PAFAH1B2: variants seen among roughly 807,000 people sequenced by gnomAD.
The protein encoded by PAFAH1B2 is platelet-activating factor acetylhydrolase IB subunit alpha2.
Under a neutral mutation model 28.0 loss-of-function variants are expected in PAFAH1B2, and 8 were observed. The observed-to-expected ratio is 0.29, with a 90% CI of 0.17 to 0.52. The LOEUF (loss-of-function observed/expected upper bound fraction) is 0.52. PAFAH1B2 is among the 20% of genes least tolerant of loss of function. PAFAH1B2 has a pLI of 0.97. For missense variants in PAFAH1B2, 190 were observed against 282.6 expected, an observed-to-expected ratio of 0.67 and a Z score of 2.35; for synonymous variants, 104 against 103.2, an observed-to-expected ratio of 1.01 and a Z score of -0.05.
chr11:117,178,112 A>G (rs1000308337), downstream of PAFAH1B2, among the ~76,000 whole-genome samples: 1 of 152,248 alleles, frequency 6.6e-6, no homozygotes, highest in African/African-American at 2.4e-5. Context: ...TTCTTGAAAC[A>G]GTGCCAAAAT....
chr11:117,157,721 A>G (rs558912086), intron 2 of PAFAH1B2, among the ~76,000 whole-genome samples: 31 of 152,278 alleles, frequency 2.0e-4, no homozygotes, highest in African/African-American at 7.5e-4. Flanking sequence ...GAGCCCAGGA[A>G]TTCAGTCCAG....
At chr11:117,154,005 T>C (rs1301444078) in intron 2 of PAFAH1B2, among the ~76,000 whole-genome samples, 1 of 151,238 alleles carries the variant, frequency 6.6e-6, no homozygotes, top group Non-Finnish European at 1.5e-5. Flanking sequence ...CCAGGGCAGG[T>C]TGGGAAGTCA....
rs183920583 is a variant in PAFAH1B2 at position 117,154,310 on chromosome 11, G to C, written c.81+1782G>C. ...CAAGACGAAGGAAAGGAAAAGAAAA[G>C]AAAAGTAGTAACTAAACTAGATATC... On this transcript the variant is annotated intron_variant, in intron 2 of 5. Coordinates refer to ENST00000527958, the MANE Select transcript of PAFAH1B2 (RefSeq NM_002572.4). Among the ~76,000 whole-genome samples the C allele has an allele frequency of 4.3e-3, 652 of 152,246 alleles. 3 individuals are homozygous for C. Among genetic ancestry groups the C allele is most frequent in the Non-Finnish European group, 6.9e-3 (466 of 68,018 alleles).
downstream of PAFAH1B2, among the ~76,000 whole-genome samples, chr11:117,172,375 TATATATATATATATATATATATATATA>T (rs1956676903): frequency 0.026 from 64 of 2,474 alleles, no homozygotes; most frequent in African/African-American, 0.07. Context: ...TATATATATA[TATATATATATATATATATATATATATA>T]TATTTTTTTT....
At chr11:117,157,691 C>CTAAG (rs1404703055) in intron 2 of PAFAH1B2, among the ~76,000 whole-genome samples, 3 of 152,068 alleles carry the variant, frequency 2.0e-5, no homozygotes, top group Admixed American at 6.6e-5. Flanking sequence ...AGTTGGGAGG[C>CTAAG]TAAGGCAGGA....
chr11:117,148,488 G>A (rs1956067886), intron 1 of PAFAH1B2, among the ~76,000 whole-genome samples: 1 of 152,148 alleles, frequency 6.6e-6, no homozygotes, highest in African/African-American at 2.4e-5. Flanking sequence ...AGTTTCCTTA[G>A]GTCTCTTTGA....
chr11:117,171,050 C>G (rs770194007), downstream of PAFAH1B2: 43 of 1,027,806 alleles, frequency 4.2e-5, no homozygotes, highest in Non-Finnish European at 4.8e-5. Context: ...GCTCAATTTG[C>G]TGGTGTCTTT....
At chr11:117,167,182 T>C (rs917048288) in intron 5 of PAFAH1B2, among the ~76,000 whole-genome samples, 6 of 150,334 alleles carry the variant, frequency 4.0e-5, no homozygotes, top group African/African-American at 1.5e-4. Context: ...TTTAGAGTAG[T>C]GGGCCAGAGG....
At chr11:117,144,501 C>T (rs528814030) in intron 1 of PAFAH1B2, 83 bp downstream of exon 1, 6,180 of 182,508 alleles carry the variant, frequency 0.034, 144 homozygotes, top group South Asian at 0.083. Context: ...GTGAGAGGCC[C>T]GCGACCTCCC....
In PAFAH1B2 at chr11:117,167,711, C is replaced by T. The variant is rs760891382; in HGVS notation, c.*12C>T. On this transcript the variant is annotated 3_prime_UTR_variant, in exon 6 of 6. Transcript: ENST00000527958. ...CCACCATTGCCTGACTGGCTCTTAT[C>T]AGTGTTAATAGCATCTCAGCTTCCT... 3 of 1,527,460 alleles carry T rather than the reference C, an allele frequency of 2.0e-6. No homozygotes were observed. The South Asian group carries it at 4.0e-5, about 20-fold the overall frequency. The allele number at this position is 1,527,460 out of a possible 1,614,324, so 94.6% of individuals were successfully genotyped here. A position where few individuals can be genotyped will look rare whatever the true frequency, so the allele number is the denominator to read the frequency against.
intron 1 of PAFAH1B2, among the ~76,000 whole-genome samples, chr11:117,144,922 C>T (rs917408990): frequency 6.6e-6 from 1 of 152,220 alleles, no homozygotes; most frequent in African/African-American, 2.4e-5. Flanking sequence ...AGGCCAAAAC[C>T]AGTTACTCCG....
chr11:117,144,977 A>G (rs888332629), intron 1 of PAFAH1B2, among the ~76,000 whole-genome samples: 10 of 152,130 alleles, frequency 6.6e-5, no homozygotes, highest in African/African-American at 2.4e-4. Context: ...TTGTTGAAAA[A>G]TTTCAACTCT....
intron 2 of PAFAH1B2, among the ~76,000 whole-genome samples, chr11:117,153,299 C>T (rs1425192424): frequency 6.6e-6 from 1 of 152,186 alleles, no homozygotes; most frequent in South Asian, 2.1e-4. Flanking sequence ...GAAGTATCTT[C>T]ATCTAGACTC....
In PAFAH1B2 at chr11:117,169,355, T is replaced by C. The variant is rs1201765950; in HGVS notation, c.*1656T>C. ...GTATACCTGTGGAATATGTACAAAC[T>C]GGATCTATAGATATTTTGAACTGGA... On this transcript the variant is annotated 3_prime_UTR_variant, in exon 6 of 6. Coordinates refer to ENST00000527958, the MANE Select transcript of PAFAH1B2 (RefSeq NM_002572.4). 1.9e-6 allele frequency: 2 copies of C among 1,050,552 alleles called. No individual in the cohort carries two copies. The highest frequency in any genetic ancestry group is 1.7e-5 in the African/African-American group (1 of 60,292). The allele number at this position is 1,050,552 out of a possible 1,614,324, so 65.1% of individuals were successfully genotyped here.
At chr11:117,171,589 G>A, downstream of PAFAH1B2, 1 of 812,240 alleles carries the variant, frequency 1.2e-6, no homozygotes, top group Non-Finnish European at 2.1e-6. Context: ...TGAACCTTGA[G>A]CACGGACTCA....
rs534878704 is a variant in PAFAH1B2 at position 117,158,793 on chromosome 11, C to T, written c.82-1141C>T. Among the ~76,000 whole-genome samples the T allele has an allele frequency of 5.3e-5, 8 of 150,940 alleles. No homozygotes were observed. The East Asian group carries it at 7.9e-4, about 15-fold the overall frequency. On this transcript the variant is annotated intron_variant, in intron 2 of 5. Coordinates refer to ENST00000527958, the MANE Select transcript of PAFAH1B2 (RefSeq NM_002572.4). ...CTGAGTAGCTGGGACTACAGGCACC[C>T]GCCACCACACCTGGCTAATTTTTGT...
downstream of PAFAH1B2, chr11:117,175,052 G>T: frequency 1.5e-6 from 2 of 1,321,692 alleles, no homozygotes; most frequent in Non-Finnish European, 1.9e-6. Context: ...GCTGTGTGTT[G>T]AATGGTCCCA....
chr11:117,157,137 A>G (rs896857359), intron 2 of PAFAH1B2, among the ~76,000 whole-genome samples: 1 of 152,126 alleles, frequency 6.6e-6, no homozygotes, highest in South Asian at 2.1e-4. Context: ...ATTCTTTCTC[A>G]TATCTCCTCA....
chr11:117,151,128 CT>C (rs1956139437), intron 1 of PAFAH1B2, among the ~76,000 whole-genome samples: 1 of 151,440 alleles, frequency 6.6e-6, no homozygotes, highest in Non-Finnish European at 1.5e-5. Context: ...AATCTGGTTT[CT>C]TATTTGTCTT....
Sources: allele counts gnomAD v4.1 joint callset (sites outside exome capture counted in the v4.1 genomes callset), GRCh38; gene constraint gnomAD v4.1.1; transcripts MANE v1.5; gene names NCBI Gene and HGNC (gene_info 2026-07-23, HGNC 2026-07-21).